Variants in STK3 observed in about 807,000 individuals in gnomAD.
The protein encoded by STK3 is serine/threonine-protein kinase 3.
Under a neutral mutation model 58.0 loss-of-function variants are expected in STK3, and 41 were observed. The observed-to-expected ratio is 0.71, with a 90% CI of 0.55 to 0.92. STK3 has a LOEUF of 0.92. Among genes scored for constraint, STK3 ranks in the 40% least tolerant of loss-of-function variants. The pLI, the probability that STK3 is intolerant of heterozygous loss-of-function variation, is 0.00. For synonymous variants in STK3, 170 were observed against 191.0 expected, an observed-to-expected ratio of 0.89 and a Z score of 0.91; for missense variants, 479 against 602.7, an observed-to-expected ratio of 0.79 and a Z score of 2.15.
At chr8:98,573,732 C>G (rs1813160078) in intron 8 of STK3, among the ~76,000 whole-genome samples, 1 of 152,160 alleles carries the variant, frequency 6.6e-6, no homozygotes, top group Admixed American at 6.5e-5. Context: ...TCCTTTACAG[C>G]AGCACTCCAC....
At chr8:98,717,267 A>T (rs1394910778) in intron 4 of STK3, among the ~76,000 whole-genome samples, 2 of 152,146 alleles carry the variant, frequency 1.3e-5, no homozygotes, top group Admixed American at 6.5e-5. Context: ...GAAAACATTT[A>T]AAAATTACGT....
chr8:98,719,243 G>T (rs1015096179), intron 4 of STK3, among the ~76,000 whole-genome samples: 12 of 152,046 alleles, frequency 7.9e-5, no homozygotes, highest in African/African-American at 2.7e-4. Flanking sequence ...AAAAGCTTGG[G>T]GTGTTAATAA....
At chr8:98,642,878 G>A (rs1820128269) in intron 6 of STK3, among the ~76,000 whole-genome samples, 2 of 152,198 alleles carry the variant, frequency 1.3e-5, no homozygotes, top group African/African-American at 4.8e-5. Context: ...CTACTGCACA[G>A]TGTTCTTATA....
chr8:98,699,316 T>C (rs1314768840), intron 6 of STK3, among the ~76,000 whole-genome samples: 2 of 152,242 alleles, frequency 1.3e-5, no homozygotes, highest in Non-Finnish European at 1.5e-5. Flanking sequence ...AATTTCCTCC[T>C]GTAGCTTGGA....
chr8:98,789,145 C>T (rs1832650886), intron 1 of STK3, among the ~76,000 whole-genome samples: 1 of 152,130 alleles, frequency 6.6e-6, no homozygotes. Flanking sequence ...AATTAAATAA[C>T]CTGCTTTTAA....
At chr8:98,427,926 C>A in intron 3 of STK3, 1 of 1,416,468 alleles carries the variant, frequency 7.1e-7, no homozygotes, top group Non-Finnish European at 9.4e-7. Context: ...ACGCTGTTCC[C>A]TCCGCTTCCA....
rs202159618 is a variant in STK3 at position 98,877,483 on chromosome 8, G to GT, written c.110+6163dup. On this transcript the variant is annotated intron_variant, in intron 3 of 12. Transcript: ENST00000523601. ...GTCATTCCATGTGTTTTTTTTGTTT[G>GT]TTTTTTTGGTTTTTTTTGAGATGGA... Among the ~76,000 whole-genome samples, 1,455 of 151,846 alleles carry GT rather than the reference G, an allele frequency of 9.6e-3. 7 individuals carry two copies. The highest frequency in any genetic ancestry group is 0.015 in the Non-Finnish European group (1,027 of 67,912).
At chr8:98,921,900 G>A (rs988797245) in intron 1 of STK3, among the ~76,000 whole-genome samples, 2 of 152,202 alleles carry the variant, frequency 1.3e-5, no homozygotes, top group Middle Eastern at 3.4e-3. Context: ...TGCCATGTTG[G>A]CCAGGCTGGT....
chr8:98,372,841 G>A (rs186404592), intron 2 of STK3, among the ~76,000 whole-genome samples: 25 of 152,314 alleles, frequency 1.6e-4, no homozygotes, highest in African/African-American at 2.9e-4. Flanking sequence ...TTGGGAAAGC[G>A]CTTGGTCTCT....
upstream of STK3, among the ~76,000 whole-genome samples, chr8:98,388,475 A>G (rs1373639440): frequency 6.6e-6 from 1 of 152,232 alleles, no homozygotes; most frequent in Non-Finnish European, 1.5e-5. Flanking sequence ...AATGCGATGT[A>G]TTTGGCAGCA....
At chr8:98,349,876 T>C in the STK3 span, among the ~76,000 whole-genome samples, 2 of 151,720 alleles carry the variant, frequency 1.3e-5, no homozygotes, top group Non-Finnish European at 2.9e-5. Flanking sequence ...TGAAACCATT[T>C]TTTTCTCCTA....
chr8:98,702,574 T>C (rs1451048088), intron 6 of STK3, among the ~76,000 whole-genome samples: 2 of 152,166 alleles, frequency 1.3e-5, no homozygotes, highest in Admixed American at 1.3e-4. Flanking sequence ...CAATACTACT[T>C]TACAAACAGG....
At chr8:98,346,422 A>T in the STK3 span, among the ~76,000 whole-genome samples, 4 of 151,498 alleles carry the variant, frequency 2.6e-5, no homozygotes, top group Admixed American at 6.6e-5. Context: ...TAATGTCCAA[A>T]TTTTTTTTTC....
chr8:98,940,940 C>A (rs1474749858), intron 1 of STK3, among the ~76,000 whole-genome samples: 1 of 152,248 alleles, frequency 6.6e-6, no homozygotes, highest in Non-Finnish European at 1.5e-5. Flanking sequence ...AGGCCCAGGC[C>A]CTCTCCACAG....
At chr8:98,464,889 A>G (rs1037237301) in intron 10 of STK3, among the ~76,000 whole-genome samples, 1 of 152,122 alleles carries the variant, frequency 6.6e-6, no homozygotes, top group African/African-American at 2.4e-5. Flanking sequence ...TCCTGTTCTG[A>G]GCTGAGAGGC....
At chr8:98,381,306 C>T (rs995037993) in intron 1 of STK3, among the ~76,000 whole-genome samples, 2 of 152,016 alleles carry the variant, frequency 1.3e-5, no homozygotes, top group Non-Finnish European at 2.9e-5. Context: ...TTTTGTTGAC[C>T]CACATTTTTA....
chr8:98,365,898 C>T, the STK3 span, among the ~76,000 whole-genome samples: 1 of 152,134 alleles, frequency 6.6e-6, no homozygotes, highest in African/African-American at 2.4e-5. Flanking sequence ...AGTAATTCAT[C>T]ATACAGACTT....
intron 3 of STK3, among the ~76,000 whole-genome samples, chr8:98,841,052 A>G (rs1835962411): frequency 6.6e-6 from 1 of 152,230 alleles, no homozygotes; most frequent in Admixed American, 6.5e-5. Flanking sequence ...CCGTCTCTAG[A>G]GGGCAGCACT....
chr8:98,436,434 A>G (rs530736702), intron 2 of STK3, among the ~76,000 whole-genome samples: 1 of 152,092 alleles, frequency 6.6e-6, no homozygotes, highest in East Asian at 1.9e-4. Context: ...ACTTCACTCC[A>G]AACTTGCTCT....
Sources: gnomAD v4.1 joint callset for allele counts (sites outside exome capture counted in the v4.1 genomes callset) on GRCh38, gnomAD v4.1.1 for gene constraint, MANE v1.5 for transcripts, NCBI Gene and HGNC (gene_info 2026-07-23, HGNC 2026-07-21) for gene names.